The following AMMECR1 variants were observed in gnomAD, a reference collection of about 807,000 sequenced individuals.
The protein encoded by AMMECR1 is nuclear protein AMMECR1.
In AMMECR1, 3 loss-of-function variants were observed where a neutral mutation model predicts 22.5. That is an observed-to-expected ratio of 0.13 (90% CI 0.06 to 0.35). AMMECR1 has a LOEUF of 0.35. Among genes scored for constraint, AMMECR1 ranks in the 10% least tolerant of loss-of-function variants. AMMECR1 has a pLI of 1.00. For synonymous variants in AMMECR1, 130 were observed against 116.7 expected (o/e 1.11, Z -0.74); for missense variants, 235 against 278.7 (o/e 0.84, Z 1.12).
chrX:110,361,205 G>A (rs763643241), intron 2 of AMMECR1, among the ~76,000 whole-genome samples: 2 of 110,926 alleles, frequency 1.8e-5, no homozygotes, highest in Admixed American at 9.6e-5. Flanking sequence ...TTGCTCAGGC[G>A]GAAGACCTAG....
chrX:110,241,771 G>C lies in AMMECR1; in HGVS notation c.584+22718C>G, dbSNP rs775372964. On this transcript the variant is annotated intron_variant, in intron 2 of 5. Coordinates refer to ENST00000262844, the MANE Select transcript of AMMECR1 (RefSeq NM_015365.3). Reference sequence around the variant, plus strand: ...GAAGGGAAAAAAGGCTTATGCCCCTGAGGTTATAGACCGACACACAAAAAA... The same window carrying C: ...GAAGGGAAAAAAGGCTTATGCCCCTCAGGTTATAGACCGACACACAAAAAA... 1.9e-3 allele frequency among the ~76,000 whole-genome samples: 211 copies of C among 111,050 alleles called. 2 individuals carry two copies. Among genetic ancestry groups the C allele is most frequent in the African/African-American group, 6.8e-3 (206 of 30,419 alleles).
At chrX:110,252,745 C>T (rs913898339) in intron 2 of AMMECR1, among the ~76,000 whole-genome samples, 1 of 112,390 alleles carries the variant, frequency 8.9e-6, no homozygotes, top group Non-Finnish European at 1.9e-5. Flanking sequence ...CTACTATGTA[C>T]CACGTACTGT....
chrX:110,269,527 T>TG (rs746152372), intron 1 of AMMECR1, among the ~76,000 whole-genome samples: 1,614 of 95,836 alleles, frequency 0.017, 20 homozygotes, highest in Admixed American at 0.038. Context: ...TTATTTATAT[T>TG]GGGGGGGGGG....
chrX:110,393,049 C>A (rs1203748656), intron 2 of AMMECR1, among the ~76,000 whole-genome samples: 4 of 111,649 alleles, frequency 3.6e-5, no homozygotes, highest in African/African-American at 1.3e-4. Context: ...TGGATTAAGA[C>A]CACATTTGCA....
intron 2 of AMMECR1, among the ~76,000 whole-genome samples, chrX:110,324,380 G>A (rs1226158874): frequency 9.0e-6 from 1 of 111,283 alleles, no homozygotes; most frequent in Non-Finnish European, 1.9e-5. Context: ...GATTTCTTAA[G>A]ATTTTGTGTA....
chrX:110,391,798 A>G (rs2068495416), intron 2 of AMMECR1, among the ~76,000 whole-genome samples: 1 of 112,412 alleles, frequency 8.9e-6, no homozygotes, highest in Admixed American at 9.4e-5. Context: ...ACTTGGACCG[A>G]ACAGCATAGT....
intron 1 of AMMECR1, among the ~76,000 whole-genome samples, chrX:110,272,861 A>G (rs2148203179): frequency 8.9e-6 from 1 of 112,010 alleles, no homozygotes; most frequent in East Asian, 2.8e-4. Flanking sequence ...TAATGGCTGC[A>G]TTGTATTTCA....
chrX:110,392,398 C>T (rs1404744028), intron 2 of AMMECR1, among the ~76,000 whole-genome samples: 3 of 108,816 alleles, frequency 2.8e-5, no homozygotes, highest in Non-Finnish European at 1.9e-5. Flanking sequence ...ACCTCAGCCT[C>T]CCAAGTAGTT....
At chrX:110,431,908 T>G (rs751025929) in intron 1 of AMMECR1, among the ~76,000 whole-genome samples, 4 of 111,168 alleles carry the variant, frequency 3.6e-5, no homozygotes, top group Non-Finnish European at 5.7e-5. Context: ...TAGGTGAGAG[T>G]TGACACTGTC....
intron 1 of AMMECR1, among the ~76,000 whole-genome samples, chrX:110,290,185 C>T (rs1022586331): frequency 3.6e-5 from 4 of 111,738 alleles, no homozygotes; most frequent in Non-Finnish European, 7.5e-5. Flanking sequence ...CAGTCATCCC[C>T]TATAATGAAA....
At chrX:110,318,730 C>G (rs2068067197), upstream of AMMECR1, among the ~76,000 whole-genome samples, 2 of 111,521 alleles carry the variant, frequency 1.8e-5, no homozygotes, top group African/African-American at 6.5e-5. Context: ...AGGAAATGGC[C>G]ACGCTGCTGT....
intron 2 of AMMECR1, among the ~76,000 whole-genome samples, chrX:110,384,468 T>C (rs977869880): frequency 2.7e-5 from 3 of 111,870 alleles, no homozygotes; most frequent in Admixed American, 9.5e-5. Flanking sequence ...ACCTAGCACA[T>C]AATAACATAA....
chrX:110,202,365 G>T, intron 4 of AMMECR1, 81 bp downstream of exon 4: 1 of 750,423 alleles, frequency 1.3e-6, no homozygotes, highest in Non-Finnish European at 2.0e-6. Context: ...AGACATAACT[G>T]CAAGGTCAGA....
intron 2 of AMMECR1, among the ~76,000 whole-genome samples, chrX:110,263,504 G>T (rs2067752504): frequency 8.9e-6 from 1 of 111,835 alleles, no homozygotes; most frequent in Non-Finnish European, 1.9e-5. Flanking sequence ...CTGGTGCTAT[G>T]AGCCTGCATT....
At chrX:110,220,159 C>T (rs2067493517) in intron 2 of AMMECR1, among the ~76,000 whole-genome samples, 1 of 112,086 alleles carries the variant, frequency 8.9e-6, no homozygotes, top group South Asian at 3.7e-4. Context: ...GGTGACTCAG[C>T]TAAGTTAATG....
intron 2 of AMMECR1, among the ~76,000 whole-genome samples, chrX:110,413,777 C>T (rs530881600): frequency 9.0e-6 from 1 of 111,211 alleles, no homozygotes; most frequent in African/African-American, 3.3e-5. Flanking sequence ...TCTTCCATCC[C>T]ATCAGCCCCT....
chrX:110,215,291 A>T (rs750281026), intron 3 of AMMECR1, among the ~76,000 whole-genome samples: 1 of 111,853 alleles, frequency 8.9e-6, no homozygotes, highest in South Asian at 3.7e-4. Context: ...CCCACCCCCT[A>T]AAACTTTTTA....
chrX:110,296,445 G>A (rs1333936044), intron 1 of AMMECR1, among the ~76,000 whole-genome samples: 3 of 111,713 alleles, frequency 2.7e-5, no homozygotes, highest in African/African-American at 9.7e-5. Context: ...CATCAAATTC[G>A]GGAAGTTTTC....
At chrX:110,240,874 G>A (rs2067628652) in intron 2 of AMMECR1, among the ~76,000 whole-genome samples, 1 of 112,116 alleles carries the variant, frequency 8.9e-6, no homozygotes, top group East Asian at 2.8e-4. Context: ...ATAACAAACA[G>A]TCTCTCCAAC....
Sources: allele counts gnomAD v4.1 joint callset (sites outside exome capture counted in the v4.1 genomes callset), GRCh38; gene constraint gnomAD v4.1.1; transcripts MANE v1.5; gene names NCBI Gene and HGNC (gene_info 2026-07-23, HGNC 2026-07-21).